Variants in UTRN observed in about 807,000 individuals in gnomAD.
The protein encoded by UTRN is utrophin.
Under a neutral mutation model 463.9 loss-of-function variants are expected in UTRN, and 283 were observed. The ratio of observed to expected loss-of-function variants is 0.61; its 90% CI spans 0.55 to 0.67. The LOEUF (loss-of-function observed/expected upper bound fraction) is 0.67, where lower values mean the gene tolerates loss of function less well. Among genes scored for constraint, UTRN ranks in the 30% least tolerant of loss-of-function variants. The pLI, the probability that UTRN is intolerant of heterozygous loss-of-function variation, is 0.00. For missense variants in UTRN, 3,922 were observed against 4,084.3 expected, an observed-to-expected ratio of 0.96 and a Z score of 1.08; for synonymous variants, 1,442 against 1,431.5, an observed-to-expected ratio of 1.01 and a Z score of -0.17.
At chr6:144,757,584 G>T (rs1252944536) in intron 57 of UTRN, among the ~76,000 whole-genome samples, 1 of 151,962 alleles carries the variant, frequency 6.6e-6, no homozygotes, top group Non-Finnish European at 1.5e-5. Context: ...AATTAATTTT[G>T]GTTTTAGCTT....
rs372669067 is a variant in UTRN at position 144,429,551 on chromosome 6, A to G, written c.695-30A>G. The G allele has an allele frequency of 5.7e-6, 9 of 1,580,240 alleles. No homozygotes were observed. The East Asian group carries it at 9.0e-5, about 16-fold the overall frequency. On this transcript the variant is annotated intron_variant, in intron 8 of 74. Coordinates refer to ENST00000367545, the MANE Select transcript of UTRN (RefSeq NM_007124.3). ...TTCACATATTTTGGACACCTAATTTAAGCTGGTTCTTATATTCTTCCACTT... is the reference window on the plus strand; with the variant it reads ...TTCACATATTTTGGACACCTAATTTGAGCTGGTTCTTATATTCTTCCACTT...
chr6:144,573,128 T>C (rs1043557921), intron 50 of UTRN, among the ~76,000 whole-genome samples: 4 of 152,210 alleles, frequency 2.6e-5, no homozygotes, highest in African/African-American at 9.6e-5. Context: ...GGTTTTGAGC[T>C]TTTTTTCATC....
chr6:144,559,534 T>C lies in UTRN; in HGVS notation c.7289+2223T>C, dbSNP rs188595934. Among the ~76,000 whole-genome samples the C allele has an allele frequency of 1.6e-3, 242 of 152,286 alleles. 1 individual carries two copies. Among genetic ancestry groups the C allele is most frequent in the South Asian group, 8.7e-3 (42 of 4,834 alleles). On this transcript the variant is annotated intron_variant, in intron 50 of 74. Coordinates refer to ENST00000367545, the MANE Select transcript of UTRN (RefSeq NM_007124.3). Reference sequence around the variant, plus strand: ...AGAATATATAAATCTTTCTTTGCCTTCTTAAAGCTTGTGAATGTATATTTA... The same window carrying C: ...AGAATATATAAATCTTTCTTTGCCTCCTTAAAGCTTGTGAATGTATATTTA...
intron 2 of UTRN, among the ~76,000 whole-genome samples, chr6:144,353,956 G>A (rs1363349177): frequency 1.3e-5 from 2 of 152,198 alleles, no homozygotes; most frequent in Non-Finnish European, 2.9e-5. Flanking sequence ...TGCTGCGGTC[G>A]TTGTTGTGAA....
At chr6:144,418,576 G>GT (rs1020544135) in intron 3 of UTRN, among the ~76,000 whole-genome samples, 1 of 145,764 alleles carries the variant, frequency 6.9e-6, no homozygotes, top group Non-Finnish European at 1.5e-5. Context: ...TTGTTTGTTT[G>GT]TTTTTTTGAG....
chr6:144,514,886 C>T, intron 37 of UTRN, 66 bp downstream of exon 37: 1 of 1,433,194 alleles, frequency 7.0e-7, no homozygotes, highest in African/African-American at 1.4e-5. Context: ...GATAGTCATA[C>T]AGTACATACA....
intron 51 of UTRN, among the ~76,000 whole-genome samples, chr6:144,594,079 A>C (rs1803391156): frequency 6.6e-6 from 1 of 152,226 alleles, no homozygotes; most frequent in African/African-American, 2.4e-5. Flanking sequence ...TGATGAGGGA[A>C]TTACACAATA....
intron 19 of UTRN, among the ~76,000 whole-genome samples, chr6:144,456,562 A>C (rs1202850765): frequency 6.6e-6 from 1 of 151,710 alleles, no homozygotes; most frequent in Non-Finnish European, 1.5e-5. Flanking sequence ...CTGAGGCAGG[A>C]GAATCGCTTG....
intron 2 of UTRN, among the ~76,000 whole-genome samples, chr6:144,326,180 G>T (rs967137456): frequency 6.6e-6 from 1 of 151,960 alleles, no homozygotes; most frequent in South Asian, 2.1e-4. Context: ...TAAAAATTGA[G>T]AAATATATAA....
At chr6:144,303,312 G>A (rs1328824788) in intron 2 of UTRN, among the ~76,000 whole-genome samples, 1 of 152,186 alleles carries the variant, frequency 6.6e-6, no homozygotes, top group South Asian at 2.1e-4. Flanking sequence ...AAAGCCTCTA[G>A]GTAAATTTCA....
At chr6:144,379,831 G>A (rs969009128) in intron 2 of UTRN, among the ~76,000 whole-genome samples, 10 of 152,230 alleles carry the variant, frequency 6.6e-5, no homozygotes, top group African/African-American at 2.4e-4. Context: ...GGAGTGAGTA[G>A]ATGCGTGACC....
intron 2 of UTRN, among the ~76,000 whole-genome samples, chr6:144,343,642 C>T (rs558441598): frequency 1.0e-3 from 152 of 152,266 alleles, no homozygotes; most frequent in Middle Eastern, 3.4e-3. Flanking sequence ...CTTATAGCTG[C>T]ATATGGTTAA....
At chr6:144,501,539 T>G (rs1794180558) in intron 34 of UTRN, among the ~76,000 whole-genome samples, 1 of 152,224 alleles carries the variant, frequency 6.6e-6, no homozygotes, top group Admixed American at 6.5e-5. Flanking sequence ...TGACCTTCTT[T>G]TAAAAACTTA....
chr6:144,303,881 G>A (rs1805500670), intron 2 of UTRN, among the ~76,000 whole-genome samples: 1 of 152,186 alleles, frequency 6.6e-6, no homozygotes, highest in African/African-American at 2.4e-5. Context: ...ATGCTGTGAA[G>A]ATAATGCCAT....
intron 49 of UTRN, 114 bp from the exon 50 acceptor site, chr6:144,557,043 T>G (rs1799449211): frequency 7.6e-7 from 1 of 1,321,368 alleles, no homozygotes; most frequent in African/African-American, 1.5e-5. Flanking sequence ...TCTGTTTTCA[T>G]CCTGTGATAT....
At chr6:144,824,954 G>C (rs1261778560) in intron 66 of UTRN, among the ~76,000 whole-genome samples, 1 of 151,850 alleles carries the variant, frequency 6.6e-6, no homozygotes, top group African/African-American at 2.4e-5. Context: ...CAGCTAATGT[G>C]TTTATTTTTT....
intron 53 of UTRN, chr6:144,708,453 C>T: frequency 3.3e-6 from 2 of 608,346 alleles, no homozygotes; most frequent in Non-Finnish European, 5.9e-6. Flanking sequence ...ACTCCTCGGG[C>T]CTCTGACTCC....
intron 52 of UTRN, among the ~76,000 whole-genome samples, chr6:144,684,043 C>G (rs1000531532): frequency 2.0e-5 from 3 of 151,356 alleles, no homozygotes; most frequent in Non-Finnish European, 4.4e-5. Flanking sequence ...TTCAAGTGTC[C>G]CTTTACTTTT....
chr6:144,437,771 C>T, intron 11 of UTRN, 25 bp downstream of exon 11: 3 of 1,594,380 alleles, frequency 1.9e-6, no homozygotes, highest in Non-Finnish European at 2.6e-6. Flanking sequence ...AAGAAATGCA[C>T]TTAATTCCAC....
Sources: gnomAD v4.1 joint callset for allele counts (sites outside exome capture counted in the v4.1 genomes callset) on GRCh38, gnomAD v4.1.1 for gene constraint, MANE v1.5 for transcripts, NCBI Gene and HGNC (gene_info 2026-07-23, HGNC 2026-07-21) for gene names.